Variants in CELF4 observed in about 807,000 individuals in gnomAD.
The protein encoded by CELF4 is CUGBP Elav-like family member 4.
CELF4 carries 18 observed loss-of-function variants against 59.9 expected under a neutral mutation model. That is an observed-to-expected ratio of 0.30 (90% CI 0.21 to 0.45). The LOEUF (loss-of-function observed/expected upper bound fraction) is 0.45, where lower values mean the gene tolerates loss of function less well. Ranked by LOEUF, CELF4 falls within the 20% of genes least tolerant of loss-of-function variation. The probability of loss-of-function intolerance (pLI) is 1.00; values close to 1 mark genes in which losing one functional copy is unlikely to be tolerated. For synonymous variants in CELF4, 261 were observed against 267.1 expected (o/e 0.98, Z 0.22); for missense variants, 456 against 689.0 (o/e 0.66, Z 3.79).
At chr18:37,304,060 A>G (rs554245812) in intron 3 of CELF4, among the ~76,000 whole-genome samples, 45 of 152,308 alleles carry the variant, frequency 3.0e-4, no homozygotes, top group Non-Finnish European at 5.1e-4. Flanking sequence ...CTTGCCCATC[A>G]GTTGTGCTCT....
intron 1 of CELF4, among the ~76,000 whole-genome samples, chr18:37,494,477 C>T (rs2099922614): frequency 6.6e-6 from 1 of 152,186 alleles, no homozygotes; most frequent in Non-Finnish European, 1.5e-5. Context: ...TGCTTCTGTA[C>T]CTCTTCTCTG....
At chr18:37,332,985 G>A (rs995224721) in intron 2 of CELF4, among the ~76,000 whole-genome samples, 1 of 152,204 alleles carries the variant, frequency 6.6e-6, no homozygotes, top group Admixed American at 6.5e-5. Flanking sequence ...CTGCTGCCGT[G>A]GCAACCAAGC....
intron 2 of CELF4, among the ~76,000 whole-genome samples, chr18:37,436,726 G>A (rs191443663): frequency 2.0e-5 from 3 of 152,212 alleles, no homozygotes; most frequent in East Asian, 1.9e-4. Flanking sequence ...AAATAGAGGC[G>A]CCTTCTCCCC....
chr18:37,296,403 C>T (rs1003448748), intron 3 of CELF4, among the ~76,000 whole-genome samples: 4 of 152,282 alleles, frequency 2.6e-5, no homozygotes, highest in Admixed American at 1.3e-4. Context: ...GCCATGTTGC[C>T]CCGGCTGACC....
intron 1 of CELF4, among the ~76,000 whole-genome samples, chr18:37,519,143 C>CA (rs1050688500): frequency 6.7e-6 from 1 of 149,832 alleles, no homozygotes; most frequent in African/African-American, 2.4e-5. Context: ...GGGAATGCCC[C>CA]TCCAACCCCA....
chr18:37,434,102 T>C (rs1569569395), intron 2 of CELF4, among the ~76,000 whole-genome samples: 1 of 152,136 alleles, frequency 6.6e-6, no homozygotes, highest in Non-Finnish European at 1.5e-5. Context: ...GCTGATCGCT[T>C]TGTTGGGGAG....
In CELF4 at chr18:37,284,188, T is replaced by C. The variant is rs529104580; in HGVS notation, c.449-8945A>G. On this transcript the variant is annotated intron_variant, in intron 3 of 12. Coordinates refer to ENST00000420428, the MANE Select transcript of CELF4 (RefSeq NM_020180.4). ...CCATACACTCCAACACATACACAAA[T>C]ACATATGTGCAGATACACACCAACA... Among the ~76,000 whole-genome samples, 1,183 of 146,020 alleles carry C rather than the reference T, an allele frequency of 8.1e-3. 14 individuals carry two copies. The highest frequency in any genetic ancestry group is 0.029 in the African/African-American group (1,134 of 39,324).
intron 3 of CELF4, chr18:37,305,764 A>G (rs1008584053): frequency 2.6e-5 from 4 of 152,252 alleles, no homozygotes; most frequent in African/African-American, 9.7e-5. Context: ...AAAGAAACAC[A>G]TTGACCCACA....
At chr18:37,372,899 T>C (rs1216461029) in intron 2 of CELF4, among the ~76,000 whole-genome samples, 1 of 151,352 alleles carries the variant, frequency 6.6e-6, no homozygotes, top group Non-Finnish European at 1.5e-5. Context: ...TGTGAATTAG[T>C]GTGACCTGTT....
At chr18:37,266,226 C>T in intron 9 of CELF4, 1 of 513,702 alleles carries the variant, frequency 1.9e-6, no homozygotes, top group East Asian at 3.5e-5. Context: ...GGCAAAGTGG[C>T]CCTGGAAGCT....
intron 1 of CELF4, among the ~76,000 whole-genome samples, chr18:37,548,940 G>C (rs2099982289): frequency 6.6e-6 from 1 of 152,218 alleles, no homozygotes; most frequent in Non-Finnish European, 1.5e-5. Flanking sequence ...ACCCCTGAAT[G>C]ATCAGGGCCA....
At chr18:37,491,639 A>G (rs971190623) in intron 1 of CELF4, among the ~76,000 whole-genome samples, 7 of 152,102 alleles carry the variant, frequency 4.6e-5, no homozygotes, top group Admixed American at 6.5e-5. Context: ...TGGCAGAGTG[A>G]GGAGGGAAGG....
rs2061098591 is a variant in CELF4 at position 37,243,870 on chromosome 18, C to G, written c.*1372G>C. On this transcript the variant is annotated 3_prime_UTR_variant, in exon 13 of 13. Coordinates refer to ENST00000420428, the MANE Select transcript of CELF4 (RefSeq NM_020180.4). ...CGAGTGAAGCGGAAGGTGAGTGAAG[C>G]GCGCGCAGCTCCCAGAGGGAAGCGA... 5.5e-6 allele frequency: 1 copy of G among 181,664 alleles called. No homozygotes were observed. Among genetic ancestry groups the G allele is most frequent in the Non-Finnish European group, 1.2e-5 (1 of 86,324 alleles). 11.3% of individuals were successfully genotyped at this position (181,664 alleles called of 1,614,324 possible).
chr18:37,369,843 C>G (rs1005593528), intron 2 of CELF4, among the ~76,000 whole-genome samples: 6 of 152,242 alleles, frequency 3.9e-5, no homozygotes, highest in Admixed American at 3.3e-4. Context: ...GCCAGCACAA[C>G]AGATCCCAAG....
At chr18:37,472,120 CAT>C (rs1331498908) in intron 2 of CELF4, among the ~76,000 whole-genome samples, 3 of 152,218 alleles carry the variant, frequency 2.0e-5, no homozygotes, top group African/African-American at 7.2e-5. Context: ...ATGTAGGCCT[CAT>C]GTGGGGGATT....
At chr18:37,501,726 AAGG>A (rs1169764225) in intron 1 of CELF4, among the ~76,000 whole-genome samples, 1 of 152,176 alleles carries the variant, frequency 6.6e-6, no homozygotes, top group East Asian at 1.9e-4. Flanking sequence ...AGGTAGGAAG[AAGG>A]AGGAGGGGAG....
At chr18:37,410,436 C>A (rs1405279250) in intron 2 of CELF4, among the ~76,000 whole-genome samples, 1 of 152,234 alleles carries the variant, frequency 6.6e-6, no homozygotes, top group African/African-American at 2.4e-5. Context: ...GGCACGCTGT[C>A]CCCCGGCCCA....
chr18:37,345,593 A>G (rs1047445302), intron 2 of CELF4, among the ~76,000 whole-genome samples: 2 of 152,114 alleles, frequency 1.3e-5, no homozygotes, highest in Non-Finnish European at 2.9e-5. Flanking sequence ...AGACTTTCCT[A>G]TGGGTGGAGT....
At chr18:37,480,087 C>A (rs145334749) in intron 2 of CELF4, among the ~76,000 whole-genome samples, 1 of 152,152 alleles carries the variant, frequency 6.6e-6, no homozygotes, top group Non-Finnish European at 1.5e-5. Context: ...TCCAGAACTG[C>A]GAGACAATAC....
Sources: allele counts gnomAD v4.1 joint callset (sites outside exome capture counted in the v4.1 genomes callset), GRCh38; gene constraint gnomAD v4.1.1; transcripts MANE v1.5; gene names NCBI Gene and HGNC (gene_info 2026-07-23, HGNC 2026-07-21).